The following CLNK variants were observed in gnomAD, a reference collection of about 807,000 sequenced individuals.
The protein encoded by CLNK is cytokine-dependent hematopoietic cell linker.
In CLNK, 74 loss-of-function variants were observed where a neutral mutation model predicts 68.6. The ratio of observed to expected loss-of-function variants is 1.08; its 90% CI spans 0.89 to 1.31. CLNK has a LOEUF of 1.31. Ranked by LOEUF, CLNK falls within the 50% of genes most tolerant of loss-of-function variation. CLNK has a pLI of 0.00. For missense variants in CLNK, 553 were observed against 515.3 expected (o/e 1.07, Z -0.71); for synonymous variants, 198 against 172.2 (o/e 1.15, Z -1.17).
intron 16 of CLNK, among the ~76,000 whole-genome samples, chr4:10,510,900 C>T (rs1441491714): frequency 6.6e-6 from 1 of 152,210 alleles, no homozygotes; most frequent in African/African-American, 2.4e-5. Flanking sequence ...TAAATGTAAT[C>T]CCAACACTTT....
chr4:10,549,277 G>T (rs1719354285), intron 8 of CLNK, among the ~76,000 whole-genome samples: 1 of 152,128 alleles, frequency 6.6e-6, no homozygotes, highest in South Asian at 2.1e-4. Context: ...AACTTTGCAG[G>T]TGAAAAAAAC....
intron 2 of CLNK, among the ~76,000 whole-genome samples, chr4:10,613,804 A>G (rs1722126067): frequency 6.6e-6 from 1 of 152,176 alleles, no homozygotes; most frequent in Non-Finnish European, 1.5e-5. Flanking sequence ...CTCTTTTGGA[A>G]ACCATTAAAA....
chr4:10,673,213 C>T lies in CLNK; in HGVS notation c.-42-5302G>A, dbSNP rs115570107. On this transcript the variant is annotated intron_variant, in intron 1 of 18. Transcript: ENST00000226951. ...ATGAGGCTTTACAATGTGCCAGTCA[C>T]GTTCCAGATCCTAGGAATTAGAGAG... 2.8e-3 allele frequency among the ~76,000 whole-genome samples: 425 copies of T among 152,220 alleles called. 3 individuals are homozygous for T. Among genetic ancestry groups the T allele is most frequent in the African/African-American group, 9.5e-3 (396 of 41,516 alleles).
chr4:10,557,012 G>T (rs1719696439), intron 8 of CLNK, among the ~76,000 whole-genome samples: 1 of 151,830 alleles, frequency 6.6e-6, no homozygotes, highest in Non-Finnish European at 1.5e-5. Context: ...GGAGGCGGAG[G>T]TTGCAGTGAG....
the CLNK span, among the ~76,000 whole-genome samples, chr4:10,703,922 A>AT: frequency 2.0e-5 from 3 of 152,238 alleles, no homozygotes; most frequent in African/African-American, 7.2e-5. Context: ...CATGTGGTGC[A>AT]TGATGTATTT....
intron 2 of CLNK, among the ~76,000 whole-genome samples, chr4:10,606,826 A>T (rs189479203): frequency 2.7e-4 from 41 of 152,302 alleles, no homozygotes; most frequent in Admixed American, 2.7e-3. Flanking sequence ...CTGTTTTTCT[A>T]TAGAGCTCTG....
At chr4:10,671,565 G>A (rs898757138) in intron 1 of CLNK, among the ~76,000 whole-genome samples, 19 of 152,158 alleles carry the variant, frequency 1.2e-4, no homozygotes, top group Admixed American at 7.2e-4. Flanking sequence ...CTTAGCCATC[G>A]TGCAAAGGAT....
At chr4:10,551,488 G>C (rs61795091) in intron 8 of CLNK, among the ~76,000 whole-genome samples, 3 of 151,664 alleles carry the variant, frequency 2.0e-5, no homozygotes, top group African/African-American at 7.3e-5. Context: ...GAGTTGTCTC[G>C]AAACTCCTGG....
At chr4:10,655,550 C>A (rs1723942297) in intron 2 of CLNK, among the ~76,000 whole-genome samples, 1 of 150,078 alleles carries the variant, frequency 6.7e-6, no homozygotes, top group South Asian at 2.1e-4. Flanking sequence ...TGTATCATGG[C>A]AAAGAAAACC....
At chr4:10,504,496 C>T (rs1335072731) in intron 17 of CLNK, among the ~76,000 whole-genome samples, 3 of 152,218 alleles carry the variant, frequency 2.0e-5, no homozygotes, top group Admixed American at 6.5e-5. Flanking sequence ...GAATAAAGGT[C>T]GAAAGGCTTA....
intron 2 of CLNK, among the ~76,000 whole-genome samples, chr4:10,645,902 T>C (rs1041054904): frequency 6.6e-6 from 1 of 152,206 alleles, no homozygotes; most frequent in African/African-American, 2.4e-5. Flanking sequence ...TACCTTGATT[T>C]TTTAATGGGC....
chr4:10,560,153 G>A (rs1265750312), intron 7 of CLNK, among the ~76,000 whole-genome samples: 5 of 152,196 alleles, frequency 3.3e-5, no homozygotes, highest in Non-Finnish European at 7.3e-5. Flanking sequence ...AGGTCTGCGT[G>A]CGTTTGCACA....
chr4:10,574,559 C>G (rs1293330406), intron 4 of CLNK, among the ~76,000 whole-genome samples: 2 of 152,164 alleles, frequency 1.3e-5, no homozygotes, highest in Admixed American at 1.3e-4. Flanking sequence ...CTGCCCCCGC[C>G]CTTTCCCTTA....
intron 14 of CLNK, among the ~76,000 whole-genome samples, chr4:10,523,277 G>A (rs535768102): frequency 1.8e-4 from 28 of 152,284 alleles, no homozygotes; most frequent in African/African-American, 5.3e-4. Flanking sequence ...TGAAGAGTTC[G>A]ATTTCCACCA....
intron 8 of CLNK, among the ~76,000 whole-genome samples, chr4:10,550,283 G>A (rs1217904691): frequency 6.6e-6 from 1 of 152,132 alleles, no homozygotes; most frequent in African/African-American, 2.4e-5. Context: ...GACGAGGTCG[G>A]GAGATCGAGA....
At chr4:10,491,334 C>T (rs1178488944) in intron 18 of CLNK, among the ~76,000 whole-genome samples, 1 of 151,830 alleles carries the variant, frequency 6.6e-6, no homozygotes, top group African/African-American at 2.4e-5. Flanking sequence ...AAACCTCAAC[C>T]TTAGCTCTGA....
chr4:10,576,730 G>C (rs1288084709), intron 4 of CLNK, among the ~76,000 whole-genome samples: 1 of 152,208 alleles, frequency 6.6e-6, no homozygotes, highest in East Asian at 1.9e-4. Context: ...CTGAGCCCCA[G>C]AGCAAACCAA....
rs189584921 is a variant in CLNK, at chr4:10,542,328, A to G, written c.446-48T>C. On this transcript the variant is annotated intron_variant, in intron 8 of 18. Coordinates refer to ENST00000226951, the MANE Select transcript of CLNK (RefSeq NM_052964.4). ...AGTGAATTTATGGAAAATGTCATCA[A>G]GCATTGATTTTATACACGCTTACAT... 4 of 1,301,444 alleles carry G rather than the reference A, an allele frequency of 3.1e-6. No individual in the cohort carries two copies. The East Asian group carries it at 7.2e-5, about 23-fold the overall frequency. The allele number at this position is 1,301,444 out of a possible 1,614,324, so 80.6% of individuals were successfully genotyped here.
rs1257329574 is a variant in CLNK at position 10,488,359 on chromosome 4, T to G, written c.*2108A>C. The G allele has an allele frequency of 6.6e-6, 1 of 152,134 alleles. No homozygotes were observed. Among genetic ancestry groups the G allele is most frequent in the Non-Finnish European group, 1.5e-5 (1 of 68,042 alleles). 9.4% of individuals were successfully genotyped at this position (152,134 alleles called of 1,614,324 possible). A position where few individuals can be genotyped will look rare whatever the true frequency, so the allele number is the denominator to read the frequency against. ...GGCATGGCCTCAATGAATCAGTGAGTTGGAGGTATCAGTAATCTCCCAATA... is the reference window on the plus strand; with the variant it reads ...GGCATGGCCTCAATGAATCAGTGAGGTGGAGGTATCAGTAATCTCCCAATA... On this transcript the variant is annotated 3_prime_UTR_variant, in exon 19 of 19. Transcript: ENST00000226951.
Sources: gnomAD v4.1 joint callset for allele counts (sites outside exome capture counted in the v4.1 genomes callset) on GRCh38, gnomAD v4.1.1 for gene constraint, MANE v1.5 for transcripts, NCBI Gene and HGNC (gene_info 2026-07-23, HGNC 2026-07-21) for gene names.